Variants in CHL1 observed in about 807,000 individuals in gnomAD.
CHL1 encodes the protein cell adhesion molecule L1 like, also known as neural cell adhesion molecule L1-like protein.
Under a neutral mutation model 141.9 loss-of-function variants are expected in CHL1, and 96 were observed. The ratio of observed to expected loss-of-function variants is 0.68; its 90% confidence interval spans 0.57 to 0.80. CHL1 has a LOEUF of 0.80. CHL1 is among the 30% of genes least tolerant of loss of function. The pLI is 0.00. For synonymous variants in CHL1, 613 were observed against 502.2 expected (o/e 1.22, Z -2.95); for missense variants, 1,820 against 1,457.2 (o/e 1.25, Z -4.05).
intron 1 of CHL1, among the ~76,000 whole-genome samples, chr3:224,001 G>A (rs1007260390): frequency 1.1e-4 from 16 of 152,088 alleles, no homozygotes; most frequent in Admixed American, 4.6e-4. Flanking sequence ...CTAATCTTAG[G>A]TTTTCACAAT....
At chr3:281,046 T>C (rs1022972653) in intron 2 of CHL1, among the ~76,000 whole-genome samples, 1 of 152,088 alleles carries the variant, frequency 6.6e-6, no homozygotes, top group African/African-American at 2.4e-5. Flanking sequence ...TCTGACAATG[T>C]CTAGATACAT....
chr3:249,857 T>G (rs1406391572), intron 2 of CHL1, among the ~76,000 whole-genome samples: 4 of 152,100 alleles, frequency 2.6e-5, no homozygotes, highest in African/African-American at 9.7e-5. Flanking sequence ...GCTCCCTAAC[T>G]CTGTATGAAT....
At chr3:244,940 C>G (rs73815956) in intron 2 of CHL1, among the ~76,000 whole-genome samples, 1,741 of 152,018 alleles carry the variant, frequency 0.011, 30 homozygotes, top group African/African-American at 0.04. Context: ...AGTTATTTTT[C>G]TTGTTGGCTG....
chr3:209,359 G>A (rs992152230), intron 1 of CHL1, among the ~76,000 whole-genome samples: 1 of 152,180 alleles, frequency 6.6e-6, no homozygotes, highest in African/African-American at 2.4e-5. Flanking sequence ...AAGAGAGAGG[G>A]ATAGAAAGAC....
chr3:335,445 G>A (rs1701786617), intron 5 of CHL1, among the ~76,000 whole-genome samples: 1 of 152,190 alleles, frequency 6.6e-6, no homozygotes, highest in African/African-American at 2.4e-5. Context: ...GCAGGAAATG[G>A]GAATCAATTA....
intron 2 of CHL1, among the ~76,000 whole-genome samples, chr3:304,544 T>G (rs547940637): frequency 2.0e-5 from 3 of 152,224 alleles, no homozygotes; most frequent in Non-Finnish European, 4.4e-5. Context: ...GTTTATAGTA[T>G]CCTCTGATGG....
chr3:403,374 G>A (rs1243299576), intron 27 of CHL1, among the ~76,000 whole-genome samples: 3 of 152,102 alleles, frequency 2.0e-5, no homozygotes, highest in African/African-American at 7.2e-5. Flanking sequence ...ACAACTCAAA[G>A]GAAGAGGATT....
intron 1 of CHL1, chr3:217,822 T>C (rs1700454811): frequency 1.3e-5 from 2 of 152,196 alleles, no homozygotes; most frequent in African/African-American, 4.8e-5. Flanking sequence ...TTTGTGTCTA[T>C]ATGTATATAT....
At chr3:392,208 G>T (rs185321069) in intron 23 of CHL1, among the ~76,000 whole-genome samples, 5 of 152,328 alleles carry the variant, frequency 3.3e-5, no homozygotes, top group Admixed American at 2.6e-4. Flanking sequence ...TTATATATAA[G>T]ATGTTTGGAG....
chr3:393,016 G>A (rs561880554), intron 23 of CHL1, among the ~76,000 whole-genome samples: 10 of 152,204 alleles, frequency 6.6e-5, no homozygotes, highest in South Asian at 6.2e-4. Context: ...GGTGGATCAC[G>A]AGGTCAGGAG....
At chr3:209,197 A>AT (rs1309447960) in intron 1 of CHL1, among the ~76,000 whole-genome samples, 5 of 152,224 alleles carry the variant, frequency 3.3e-5, no homozygotes, top group Admixed American at 2.6e-4. Context: ...TAATTCAGTG[A>AT]CTATTTGCTC....
At chr3:301,604 T>C (rs894445557) in intron 2 of CHL1, among the ~76,000 whole-genome samples, 1 of 152,174 alleles carries the variant, frequency 6.6e-6, no homozygotes, top group Admixed American at 6.5e-5. Context: ...ATTGTCTAGT[T>C]AACAGTATGA....
chr3:211,702 C>T (rs149610141), intron 1 of CHL1, among the ~76,000 whole-genome samples: 11 of 152,266 alleles, frequency 7.2e-5, no homozygotes, highest in African/African-American at 2.6e-4. Flanking sequence ...AAGTATTGCA[C>T]CGTAGTTTTC....
At chr3:391,419 G>A (rs1236315537) in intron 22 of CHL1, among the ~76,000 whole-genome samples, 1 of 152,170 alleles carries the variant, frequency 6.6e-6, no homozygotes, top group Non-Finnish European at 1.5e-5. Flanking sequence ...GGGAGGCTGA[G>A]GCAGGAGAAT....
At chr3:307,862 T>C (rs1699383229) in intron 2 of CHL1, among the ~76,000 whole-genome samples, 1 of 152,238 alleles carries the variant, frequency 6.6e-6, no homozygotes, top group Non-Finnish European at 1.5e-5. Context: ...TACATTAAAA[T>C]TCAGTAGCCT....
At chr3:269,044 C>A (rs1695411284) in intron 2 of CHL1, among the ~76,000 whole-genome samples, 2 of 152,154 alleles carry the variant, frequency 1.3e-5, no homozygotes, top group Non-Finnish European at 2.9e-5. Flanking sequence ...GCCTGGTATA[C>A]CATTTACTAA....
intron 2 of CHL1, among the ~76,000 whole-genome samples, chr3:261,116 G>A (rs1017941566): frequency 6.6e-6 from 1 of 152,124 alleles, no homozygotes; most frequent in African/African-American, 2.4e-5. Context: ...ACACCCTATG[G>A]CTTTACCCTT....
chr3:254,991 T>C (rs1218993318), intron 2 of CHL1, among the ~76,000 whole-genome samples: 3 of 152,206 alleles, frequency 2.0e-5, no homozygotes, highest in Non-Finnish European at 4.4e-5. Flanking sequence ...TCCCTACCCT[T>C]TCCTCAGATA....
chr3:362,265 C>A (rs1032085316), intron 13 of CHL1, among the ~76,000 whole-genome samples: 7 of 152,090 alleles, frequency 4.6e-5, no homozygotes, highest in African/African-American at 1.7e-4. Context: ...ATCATAAGTC[C>A]AAAGACATTA....
Sources: allele counts gnomAD v4.1 joint callset (sites outside exome capture counted in the v4.1 genomes callset), GRCh38; gene constraint gnomAD v4.1.1; transcripts MANE v1.5; gene names NCBI Gene and HGNC (gene_info 2026-07-23, HGNC 2026-07-21).